The following DLG2 variants were observed in gnomAD, a reference collection of about 807,000 sequenced individuals.
DLG2 encodes the protein disks large homolog 2.
DLG2 carries 45 observed loss-of-function variants against 132.5 expected under a neutral mutation model. The observed-to-expected ratio is 0.34, with a 90% CI of 0.27 to 0.44. The LOEUF is 0.44. Ranked by LOEUF, DLG2 falls within the 20% of genes least tolerant of loss-of-function variation. The pLI is 1.00. For synonymous variants in DLG2, 424 were observed against 419.6 expected (o/e 1.01, Z -0.13); for missense variants, 1,045 against 1,196.9 (o/e 0.87, Z 1.87).
intron 6 of DLG2, among the ~76,000 whole-genome samples, chr11:84,745,705 G>A (rs989815495): frequency 4.6e-5 from 7 of 152,128 alleles, no homozygotes; most frequent in East Asian, 1.9e-4. Context: ...AAACAGCAGC[G>A]ATAAGACTTA....
At chr11:85,294,162 C>G (rs2079081184) in intron 3 of DLG2, among the ~76,000 whole-genome samples, 1 of 151,934 alleles carries the variant, frequency 6.6e-6, no homozygotes, top group South Asian at 2.1e-4. Flanking sequence ...TAGAGACATG[C>G]ATATATAGAA....
chr11:85,368,058 A>G (rs987971310), intron 3 of DLG2, among the ~76,000 whole-genome samples: 2 of 152,202 alleles, frequency 1.3e-5, no homozygotes, highest in Non-Finnish European at 2.9e-5. Flanking sequence ...AATAAGCACC[A>G]ATCATGAGAC....
chr11:84,011,171 ATT>A (rs2094869828), intron 11 of DLG2, among the ~76,000 whole-genome samples: 2 of 152,158 alleles, frequency 1.3e-5, no homozygotes, highest in Admixed American at 1.3e-4. Flanking sequence ...CAATAAGCCA[ATT>A]AAATAAAGAC....
chr11:85,154,536 G>C lies in DLG2; in HGVS notation c.282+20C>G. 8.1e-7 allele frequency: 1 copy of C among 1,236,324 alleles called. No homozygotes were observed. Among genetic ancestry groups the C allele is most frequent in the Non-Finnish European group, 1.1e-6 (1 of 870,826 alleles). 76.6% of individuals were successfully genotyped at this position (1,236,324 alleles called of 1,614,324 possible). On this transcript the variant is annotated intron_variant, in intron 5 of 27. Transcript: ENST00000376104. Reference sequence around the variant, plus strand: ...TTACCCATGAAGCCTAGTAAGAAAAGAAAACAGTATAACACTTACAGTTGT... The same window carrying C: ...TTACCCATGAAGCCTAGTAAGAAAACAAAACAGTATAACACTTACAGTTGT...
chr11:84,546,343 C>T (rs2099389753), intron 6 of DLG2, among the ~76,000 whole-genome samples: 2 of 152,142 alleles, frequency 1.3e-5, no homozygotes, highest in Non-Finnish European at 2.9e-5. Context: ...TTGCCTTCTG[C>T]CATGATTGAA....
At chr11:83,491,638 A>AATT (rs777023848) in intron 21 of DLG2, among the ~76,000 whole-genome samples, 4 of 152,108 alleles carry the variant, frequency 2.6e-5, no homozygotes, top group South Asian at 4.2e-4. Flanking sequence ...GAGTAGCTGA[A>AATT]ATTATATGCT....
chr11:84,606,381 C>A (rs1382538922), intron 6 of DLG2, among the ~76,000 whole-genome samples: 2 of 152,072 alleles, frequency 1.3e-5, no homozygotes, highest in Admixed American at 1.3e-4. Context: ...AAACAACACA[C>A]ACACACATGG....
At chr11:85,109,432 T>C (rs1355720266) in intron 6 of DLG2, among the ~76,000 whole-genome samples, 1 of 152,098 alleles carries the variant, frequency 6.6e-6, no homozygotes, top group Non-Finnish European at 1.5e-5. Flanking sequence ...GTCTTAAATG[T>C]AGTTGTTTAT....
intron 3 of DLG2, among the ~76,000 whole-genome samples, chr11:85,550,105 A>G (rs1378052411): frequency 1.3e-5 from 2 of 152,180 alleles, no homozygotes; most frequent in African/African-American, 2.4e-5. Context: ...TTTGCCTCCA[A>G]TTCTCTTGCA....
intron 6 of DLG2, among the ~76,000 whole-genome samples, chr11:85,003,506 C>G (rs754049456): frequency 6.6e-6 from 1 of 152,018 alleles, no homozygotes; most frequent in Non-Finnish European, 1.5e-5. Flanking sequence ...GAACTATTAG[C>G]ATATGGAACT....
chr11:84,410,574 CTTTTTT>C (rs367980167), intron 7 of DLG2, among the ~76,000 whole-genome samples: 3 of 109,126 alleles, frequency 2.7e-5, no homozygotes, highest in South Asian at 3.4e-4. Context: ...ACCACATAAA[CTTTTTT>C]TTTTTTTTTT....
At chr11:85,591,553 A>T (rs553879795) in intron 3 of DLG2, among the ~76,000 whole-genome samples, 34 of 152,320 alleles carry the variant, frequency 2.2e-4, no homozygotes, top group African/African-American at 8.2e-4. Flanking sequence ...AGCCTGGTCA[A>T]CATGGTGAAA....
At chr11:84,054,629 T>G (rs2096464969) in intron 11 of DLG2, among the ~76,000 whole-genome samples, 1 of 152,058 alleles carries the variant, frequency 6.6e-6, no homozygotes, top group South Asian at 2.1e-4. Context: ...AGATGATTGA[T>G]TCTATCTGAG....
intron 6 of DLG2, among the ~76,000 whole-genome samples, chr11:85,086,490 A>G (rs1218542155): frequency 6.6e-6 from 1 of 152,164 alleles, no homozygotes; most frequent in African/African-American, 2.4e-5. Flanking sequence ...CTAGAGGAAG[A>G]AAAAAATAAA....
At chr11:84,057,802 G>T (rs1311124168) in intron 11 of DLG2, among the ~76,000 whole-genome samples, 1 of 152,078 alleles carries the variant, frequency 6.6e-6, no homozygotes, top group Non-Finnish European at 1.5e-5. Context: ...ATTCTTATTT[G>T]CACTTTGTAG....
chr11:84,811,207 C>T (rs922123377), intron 6 of DLG2, among the ~76,000 whole-genome samples: 3 of 152,124 alleles, frequency 2.0e-5, no homozygotes, highest in African/African-American at 7.2e-5. Context: ...CAACTTCCAC[C>T]TCACCTCCTG....
intron 6 of DLG2, among the ~76,000 whole-genome samples, chr11:84,767,834 G>T (rs1250559101): frequency 1.3e-5 from 2 of 152,072 alleles, no homozygotes; most frequent in Non-Finnish European, 2.9e-5. Flanking sequence ...AAGACCTGAA[G>T]AAATTCTTTC....
At chr11:85,510,880 C>T (rs568905438) in intron 3 of DLG2, among the ~76,000 whole-genome samples, 1 of 152,048 alleles carries the variant, frequency 6.6e-6, no homozygotes, top group South Asian at 2.1e-4. Context: ...GGGTATACAC[C>T]CAAAGGATTA....
chr11:83,690,041 T>A (rs939769497), intron 18 of DLG2, among the ~76,000 whole-genome samples: 3 of 146,456 alleles, frequency 2.0e-5, no homozygotes, highest in African/African-American at 7.4e-5. Context: ...TAAATATAAA[T>A]TATGTATTTT....
Sources: gnomAD v4.1 joint callset for allele counts (sites outside exome capture counted in the v4.1 genomes callset) on GRCh38, gnomAD v4.1.1 for gene constraint, MANE v1.5 for transcripts, NCBI Gene and HGNC (gene_info 2026-07-23, HGNC 2026-07-21) for gene names.